Variants in PTN observed in about 807,000 individuals in gnomAD.
The protein encoded by PTN is pleiotrophin.
In PTN, 18 loss-of-function variants were observed where a neutral mutation model predicts 24.1. The ratio of observed to expected loss-of-function variants is 0.75; its 90% CI spans 0.52 to 1.11. The LOEUF is 1.11. PTN is among the 50% of genes least tolerant of loss of function. The probability of loss-of-function intolerance (pLI) is 0.00; values close to 1 mark genes in which losing one functional copy is unlikely to be tolerated. For synonymous variants in PTN, 78 were observed against 68.6 expected, an observed-to-expected ratio of 1.14 and a Z score of -0.67; for missense variants, 163 against 198.8, an observed-to-expected ratio of 0.82 and a Z score of 1.08.
At chr7:137,296,700 A>T (rs1809723491) in intron 1 of PTN, among the ~76,000 whole-genome samples, 1 of 152,102 alleles carries the variant, frequency 6.6e-6, no homozygotes, top group Non-Finnish European at 1.5e-5. Flanking sequence ...AAGCTTGTTG[A>T]AACAGAGGGG....
In PTN at chr7:137,227,948, G is replaced by A. The variant is rs370056401; in HGVS notation, c.*72C>T. On this transcript the variant is annotated 3_prime_UTR_variant, in exon 5 of 5. Coordinates refer to ENST00000348225, the MANE Select transcript of PTN (RefSeq NM_002825.7). ...GATAATTTTTGAATACAAAGCCTAC[G>A]GTACATATAAATGCAATAGTTAACT... 5.1e-5 allele frequency: 80 copies of A among 1,561,986 alleles called. No homozygotes were observed. The highest frequency in any genetic ancestry group is 3.2e-4 in the South Asian group (26 of 82,080).
intron 4 of PTN, among the ~76,000 whole-genome samples, chr7:137,243,103 A>C (rs1303581688): frequency 1.3e-5 from 2 of 151,938 alleles, no homozygotes; most frequent in Non-Finnish European, 2.9e-5. Context: ...CGCCCATCTA[A>C]TTTTTGTATT....
intron 1 of PTN, among the ~76,000 whole-genome samples, chr7:137,308,252 C>A (rs1016248128): frequency 8.5e-5 from 13 of 152,076 alleles, no homozygotes; most frequent in African/African-American, 3.1e-4. Flanking sequence ...ATTCTCTTTT[C>A]CTGTGCTCTG....
At chr7:137,332,243 G>A (rs1485659025) in intron 1 of PTN, among the ~76,000 whole-genome samples, 3 of 152,134 alleles carry the variant, frequency 2.0e-5, no homozygotes, top group Non-Finnish European at 4.4e-5. Flanking sequence ...GCTAACAGTG[G>A]TGCCTATTTC....
intron 2 of PTN, among the ~76,000 whole-genome samples, chr7:137,254,222 G>C (rs376762709): frequency 6.1e-4 from 93 of 151,728 alleles, no homozygotes; most frequent in Non-Finnish European, 1.1e-3. Flanking sequence ...CACTTGAACC[G>C]GGAGACAGAG....
intron 1 of PTN, among the ~76,000 whole-genome samples, chr7:137,299,118 AG>A (rs1809765024): frequency 6.6e-6 from 1 of 151,970 alleles, no homozygotes. Context: ...TTGCATTCAC[AG>A]CCAGAATACT....
rs972514064 is a variant in PTN, at chr7:137,253,724, T to G, written c.116-87A>C. The G allele has an allele frequency of 9.5e-6, 11 of 1,159,930 alleles. No homozygotes were observed. The Admixed American group carries it at 2.5e-4, about 26-fold the overall frequency. 71.9% of individuals were successfully genotyped at this position (1,159,930 alleles called of 1,614,324 possible). On this transcript the variant is annotated intron_variant, in intron 2 of 4. Coordinates refer to ENST00000348225, the MANE Select transcript of PTN (RefSeq NM_002825.7). ...CAAGTTCATTCCTGAGCACCTTAAT[T>G]GCAGGATCTGTGTTTTTTAATCTGT... is the stretch of plus-strand genomic sequence containing the variant.
intron 1 of PTN, among the ~76,000 whole-genome samples, chr7:137,305,175 T>C (rs1483234815): frequency 6.6e-6 from 1 of 152,046 alleles, no homozygotes; most frequent in East Asian, 1.9e-4. Flanking sequence ...AAATCGGCAC[T>C]AAATTCAGAT....
rs186859547 is a variant in PTN at position 137,297,856 on chromosome 7, G to A, written c.-1-42882C>T. 1.8e-3 allele frequency among the ~76,000 whole-genome samples: 270 copies of A among 151,718 alleles called. 1 individual carries two copies. Among genetic ancestry groups the A allele is most frequent in the African/African-American group, 6.3e-3 (259 of 41,406 alleles). Reference sequence around the variant, plus strand: ...CAAATAGAAGATATCCAGAAGAGCTGATAAGTTAGATCAAGAAGATATCCA... The same window carrying A: ...CAAATAGAAGATATCCAGAAGAGCTAATAAGTTAGATCAAGAAGATATCCA... On this transcript the variant is annotated intron_variant, in intron 1 of 4. Transcript: ENST00000348225.
chr7:137,273,044 A>G (rs550698942), intron 1 of PTN, among the ~76,000 whole-genome samples: 1 of 152,332 alleles, frequency 6.6e-6, no homozygotes, highest in East Asian at 1.9e-4. Context: ...GTGTTTGTGT[A>G]TATATAATAC....
In PTN at chr7:137,244,720, G is replaced by T. The variant is rs947811513; in HGVS notation, c.451+6510C>A. 5.3e-5 allele frequency among the ~76,000 whole-genome samples: 8 copies of T among 152,068 alleles called. No homozygotes were observed. The East Asian group carries it at 9.7e-4, about 18-fold the overall frequency. ...AACCCAAGAGAATCTTCAAACAAGG[G>T]TTTCCAACTTCACATCTAGTATCAT... On this transcript the variant is annotated intron_variant, in intron 4 of 4. Coordinates refer to ENST00000348225, the MANE Select transcript of PTN (RefSeq NM_002825.7).
At chr7:137,264,733 G>C (rs1809107473) in intron 1 of PTN, among the ~76,000 whole-genome samples, 2 of 152,172 alleles carry the variant, frequency 1.3e-5, no homozygotes, top group South Asian at 4.1e-4. Flanking sequence ...TTGGTATCTA[G>C]TCAGTCTAGC....
intron 1 of PTN, among the ~76,000 whole-genome samples, chr7:137,328,924 A>G (rs73452996): frequency 0.037 from 5,585 of 152,298 alleles, 343 homozygotes; most frequent in African/African-American, 0.13. Flanking sequence ...GAGGGAAGAA[A>G]GGAATCATGA....
intron 1 of PTN, among the ~76,000 whole-genome samples, chr7:137,331,315 C>T (rs1810354485): frequency 1.3e-5 from 2 of 152,208 alleles, no homozygotes. Flanking sequence ...CCTTGAAGTA[C>T]ATCTTCAAAT....
chr7:137,279,286 C>G (rs1217829149), intron 1 of PTN, among the ~76,000 whole-genome samples: 1 of 152,016 alleles, frequency 6.6e-6, no homozygotes, highest in Non-Finnish European at 1.5e-5. Context: ...CACTTTAATA[C>G]AATACTGAAA....
chr7:137,268,955 G>A (rs771082893), intron 1 of PTN, among the ~76,000 whole-genome samples: 1 of 151,990 alleles, frequency 6.6e-6, no homozygotes, highest in Non-Finnish European at 1.5e-5. Context: ...TTTGTAACTC[G>A]TTTTGAAACT....
chr7:137,283,676 C>T (rs1014521233), intron 1 of PTN, among the ~76,000 whole-genome samples: 1 of 152,104 alleles, frequency 6.6e-6, no homozygotes, highest in South Asian at 2.1e-4. Flanking sequence ...CTTCACCATA[C>T]TTTTCGCAAT....
At chr7:137,263,929 T>C (rs898659072) in intron 1 of PTN, among the ~76,000 whole-genome samples, 1 of 152,188 alleles carries the variant, frequency 6.6e-6, no homozygotes, top group East Asian at 1.9e-4. Context: ...TTTTTATCTG[T>C]GTGTTTTGAA....
At chr7:137,297,467 T>G (rs191194625) in intron 1 of PTN, among the ~76,000 whole-genome samples, 1 of 152,164 alleles carries the variant, frequency 6.6e-6, no homozygotes, top group East Asian at 1.9e-4. Context: ...TTGCATGAGC[T>G]GAGTTAAGGA....
Sources: allele counts gnomAD v4.1 joint callset (sites outside exome capture counted in the v4.1 genomes callset), GRCh38; gene constraint gnomAD v4.1.1; transcripts MANE v1.5; gene names NCBI Gene and HGNC (gene_info 2026-07-23, HGNC 2026-07-21).